EPAS1: variants seen among roughly 807,000 people sequenced by gnomAD.
EPAS1 encodes endothelial PAS domain-containing protein 1.
EPAS1 carries 23 observed loss-of-function variants against 87.9 expected under a neutral mutation model. The ratio of observed to expected loss-of-function variants is 0.26; its 90% CI spans 0.19 to 0.37. The LOEUF is 0.37. EPAS1 is among the 10% of genes least tolerant of loss of function. The pLI, the probability that EPAS1 is intolerant of heterozygous loss-of-function variation, is 1.00. For missense variants in EPAS1, 1,138 were observed against 1,120.7 expected (o/e 1.02, Z -0.22); for synonymous variants, 508 against 444.3 (o/e 1.14, Z -1.80).
chr2:46,384,713 ACT>A lies in EPAS1; in HGVS notation c.*59_*60del, dbSNP rs1467916181. The A allele has an allele frequency of 4.4e-6, 7 of 1,598,948 alleles. No homozygotes were observed. Among genetic ancestry groups the A allele is most frequent in the African/African-American group, 4.0e-5 (3 of 74,458 alleles). ...CTGCCGACGCCGTCCCACCAGCTTC[ACT>A]CTCTCCGTCTGTTTTTGCAACTAGG... On this transcript the variant is annotated 3_prime_UTR_variant, in exon 16 of 16. Coordinates refer to ENST00000263734, the MANE Select transcript of EPAS1 (RefSeq NM_001430.5).
chr2:46,346,565 G>A lies in EPAS1; in HGVS notation c.27-308G>A, dbSNP rs1207294104. On this transcript the variant is annotated intron_variant, in intron 1 of 15. Coordinates refer to ENST00000263734, the MANE Select transcript of EPAS1 (RefSeq NM_001430.5). This position sits in a 1 kb window ranked among gnomAD's most constrained non-coding sequence, Gnocchi z 4.0. Reference sequence around the variant, plus strand: ...CCTATCCCCAGATATTCCAGGGCTAGGTCCCAGGCATTGGTAGTTAATTTA... The same window carrying A: ...CCTATCCCCAGATATTCCAGGGCTAAGTCCCAGGCATTGGTAGTTAATTTA... Among the ~76,000 whole-genome samples the A allele has an allele frequency of 6.6e-6, 1 of 152,208 alleles. No individual in the cohort carries two copies. The highest frequency in any genetic ancestry group is 2.4e-5 in the African/African-American group (1 of 41,432).
intron 1 of EPAS1, among the ~76,000 whole-genome samples, chr2:46,299,096 G>A (rs1422537372): frequency 6.6e-6 from 1 of 152,268 alleles, no homozygotes; most frequent in Non-Finnish European, 1.5e-5. Context: ...CGCTAAGGGA[G>A]GGAGGTGACT....
intron 4 of EPAS1, among the ~76,000 whole-genome samples, chr2:46,357,137 A>C (rs1332981295): frequency 6.6e-6 from 1 of 152,222 alleles, no homozygotes; most frequent in African/African-American, 2.4e-5. Flanking sequence ...ATGAGGAACT[A>C]GTCTGTGCCA....
intron 1 of EPAS1, among the ~76,000 whole-genome samples, chr2:46,299,795 C>G (rs1682960260): frequency 6.6e-6 from 1 of 152,188 alleles, no homozygotes; most frequent in African/African-American, 2.4e-5. Flanking sequence ...CACCCAGCTA[C>G]AGTACCTGGT....
At position 46,375,886 on chromosome 2, in the gene EPAS1, C is replaced by T. The variant is rs927656311; in HGVS notation, c.1034+49C>T. 35 of 1,612,370 alleles carry T rather than the reference C, an allele frequency of 2.2e-5. No homozygotes were observed. Among genetic ancestry groups the T allele is most frequent in the East Asian group, 4.5e-5 (2 of 44,876 alleles). ...CCTTGGTGCAGGGTATGTGGGGGTG[C>T]CCAAGCTTCCCAGACTCAGGATGAC... is the stretch of plus-strand genomic sequence containing the variant. On this transcript the variant is annotated intron_variant, in intron 8 of 15. Transcript: ENST00000263734. This position sits in a 1 kb window ranked among gnomAD's most constrained non-coding sequence, Gnocchi z 4.1.
intron 1 of EPAS1, among the ~76,000 whole-genome samples, chr2:46,312,080 A>G (rs1331077660): frequency 6.6e-6 from 1 of 152,238 alleles, no homozygotes; most frequent in Non-Finnish European, 1.5e-5. Context: ...GCCAAGGCAC[A>G]GTACATGTTT....
intron 1 of EPAS1, among the ~76,000 whole-genome samples, chr2:46,309,414 A>G (rs1683170580): frequency 6.6e-6 from 1 of 152,256 alleles, no homozygotes; most frequent in Non-Finnish European, 1.5e-5. Flanking sequence ...CAATGTTGCC[A>G]TCTTGTTAGG....
chr2:46,348,524 C>G (rs1329137088), intron 2 of EPAS1, among the ~76,000 whole-genome samples: 1 of 152,160 alleles, frequency 6.6e-6, no homozygotes, highest in Non-Finnish European at 1.5e-5. Flanking sequence ...TGGATGGAGG[C>G]CCCTTCCCCA....
At chr2:46,363,255 A>G (rs1684438848) in intron 6 of EPAS1, among the ~76,000 whole-genome samples, 1 of 152,142 alleles carries the variant, frequency 6.6e-6, no homozygotes, top group African/African-American at 2.4e-5. Flanking sequence ...GTAGCCATAT[A>G]GCCTGGGAGC....
chr2:46,312,825 C>T (rs1683241018), intron 1 of EPAS1, among the ~76,000 whole-genome samples: 1 of 152,182 alleles, frequency 6.6e-6, no homozygotes, highest in African/African-American at 2.4e-5. Context: ...AAGGGTCTGA[C>T]CAGTTATGCT....
chr2:46,357,475 G>A (rs943411745), intron 4 of EPAS1, among the ~76,000 whole-genome samples: 2 of 152,274 alleles, frequency 1.3e-5, no homozygotes, highest in African/African-American at 4.8e-5. Flanking sequence ...GACATCTTAC[G>A]TGGCAGTTTA....
intron 1 of EPAS1, among the ~76,000 whole-genome samples, chr2:46,340,931 GCTGGTCTC>G (rs1173220393): frequency 3.3e-5 from 5 of 152,068 alleles, no homozygotes; most frequent in Non-Finnish European, 7.4e-5. Context: ...GTGTTGCCCA[GCTGGTCTC>G]AAACTCCTGG....
intron 15 of EPAS1, among the ~76,000 whole-genome samples, chr2:46,383,777 T>A (rs182285961): frequency 1.3e-5 from 2 of 152,216 alleles, no homozygotes; most frequent in Non-Finnish European, 1.5e-5. Flanking sequence ...CAGGTATCCA[T>A]TGATACTGTC....
At chr2:46,348,034 C>T (rs768519985) in intron 2 of EPAS1, among the ~76,000 whole-genome samples, 6 of 152,124 alleles carry the variant, frequency 3.9e-5, no homozygotes, top group Admixed American at 6.5e-5. Context: ...CGGTGGACTC[C>T]GCCATCCTGT....
chr2:46,298,823 A>C (rs887618129), intron 1 of EPAS1, among the ~76,000 whole-genome samples: 1 of 152,204 alleles, frequency 6.6e-6, no homozygotes, highest in East Asian at 1.9e-4. Flanking sequence ...CGAGGGTTCG[A>C]GCCCTCTGCG....
intron 1 of EPAS1, among the ~76,000 whole-genome samples, chr2:46,302,163 G>A (rs1867783): frequency 7.0e-6 from 1 of 143,698 alleles, no homozygotes; most frequent in Non-Finnish European, 1.5e-5. Flanking sequence ...CGTGCGTCGG[G>A]GGGGGGGGCA....
At chr2:46,370,167 C>T (rs1684599464) in intron 7 of EPAS1, among the ~76,000 whole-genome samples, 1 of 152,218 alleles carries the variant, frequency 6.6e-6, no homozygotes, top group Non-Finnish European at 1.5e-5. Flanking sequence ...TGCACCCGTG[C>T]CAAGGTGCAC....
intron 1 of EPAS1, among the ~76,000 whole-genome samples, chr2:46,318,307 C>T (rs1442663079): frequency 1.3e-5 from 2 of 151,908 alleles, no homozygotes; most frequent in South Asian, 2.1e-4. Flanking sequence ...AAAACAATTA[C>T]GGTGGTAACA....
rs1355838485 is a variant in EPAS1 at position 46,375,334 on chromosome 2, G to T, written c.887-356G>T. 6.6e-6 allele frequency among the ~76,000 whole-genome samples: 1 copy of T among 152,050 alleles called. No homozygotes were observed. On this transcript the variant is annotated intron_variant, in intron 7 of 15. Transcript: ENST00000263734. The surrounding 1 kb of genome is among the most constrained non-coding windows in gnomAD (Gnocchi z 4.1). ...CATTGAACCCCATGAAGAAAGTAAG[G>T]CAGGTTCTGGACTTGGTTCTGCTTA...
Sources: allele counts gnomAD v4.1 joint callset (sites outside exome capture counted in the v4.1 genomes callset), GRCh38; gene constraint gnomAD v4.1.1; non-coding constraint Gnocchi (gnomAD v3.1); transcripts MANE v1.5; gene names NCBI Gene and HGNC (gene_info 2026-07-23, HGNC 2026-07-21).